The following POU2F1 variants were observed in gnomAD, a reference collection of about 807,000 sequenced individuals.
The protein encoded by POU2F1 is POU class 2 homeobox 1.
Under a neutral mutation model 84.9 loss-of-function variants are expected in POU2F1, and 16 were observed. The observed-to-expected ratio is 0.19, with a 90% CI of 0.13 to 0.29. The LOEUF (loss-of-function observed/expected upper bound fraction) is 0.29. Ranked by LOEUF, POU2F1 falls within the 10% of genes least tolerant of loss-of-function variation. The pLI, the probability that POU2F1 is intolerant of heterozygous loss-of-function variation, is 1.00. For synonymous variants in POU2F1, 368 were observed against 368.3 expected (o/e 1.00, Z 0.01); for missense variants, 738 against 942.6 (o/e 0.78, Z 2.84).
At chr1:167,318,409 A>T (rs1396043974) in intron 1 of POU2F1, among the ~76,000 whole-genome samples, 3 of 152,208 alleles carry the variant, frequency 2.0e-5, no homozygotes, top group African/African-American at 7.2e-5. Context: ...GTTCAAGCTA[A>T]ACATCCCCTT....
intron 1 of POU2F1, among the ~76,000 whole-genome samples, chr1:167,290,396 CAAAA>C (rs34458907): frequency 1.3e-5 from 2 of 151,470 alleles, no homozygotes; most frequent in Non-Finnish European, 2.9e-5. Context: ...GGCCCTGTCT[CAAAA>C]AAAAGTGTAG....
chr1:167,412,280 T>C lies in POU2F1; in HGVS notation c.1877T>C (p.Met626Thr). 1 of 1,562,270 alleles carries C rather than the reference T, an allele frequency of 6.4e-7. No individual in the cohort carries two copies. The highest frequency in any genetic ancestry group is 1.2e-5 in the South Asian group (1 of 85,620). Residue 626 changes from methionine (M) to threonine (T), a missense_variant, in exon 14 of 16, where the codon ATG becomes ACG. Around this residue, in one of 4 missense-constraint regions of POU2F1, gnomAD observed 319 missense variants for 386.0 expected, o/e 0.83. Coordinates refer to ENST00000367866, the MANE Select transcript of POU2F1 (RefSeq NM_002697.4). Reference protein sequence around the residue: ...AAAAGLNPSLMAPSQFAAGGA... With the variant: ...AAAAGLNPSLTAPSQFAAGGA... The stretch of plus-strand genomic sequence containing the variant: ...GCTGCAGGACTAAACCCAAGCCTGA[T>C]GGCACCCTCACAGTTTGCGGCTGGG...
intron 12 of POU2F1, among the ~76,000 whole-genome samples, 194 bp from the exon 13 acceptor site, chr1:167,401,257 A>G (rs556787945): frequency 6.6e-6 from 1 of 152,240 alleles, no homozygotes; most frequent in South Asian, 2.1e-4. Context: ...AAATTTACGA[A>G]CTTTTTATTA....
rs776689497 is a variant in POU2F1, at chr1:167,416,095, A to T, written c.*285A>T. 2 of 549,616 alleles carry T rather than the reference A, an allele frequency of 3.6e-6. No individual in the cohort carries two copies. The allele number at this position is 549,616 out of a possible 1,614,324, so 34.0% of individuals were successfully genotyped here. ...ACTTTCTAACCAAAAATTAAAAAAA[A>T]AAAAAAAAAAAGAAACAAAAAAATC... On this transcript the variant is annotated 3_prime_UTR_variant, in exon 16 of 16. Transcript: ENST00000367866.
intron 1 of POU2F1, among the ~76,000 whole-genome samples, chr1:167,261,639 G>C (rs1180218684): frequency 3.3e-5 from 5 of 152,134 alleles, no homozygotes; most frequent in African/African-American, 1.2e-4. Flanking sequence ...CTTGTTATCT[G>C]TACCAGCTCT....
At chr1:167,277,111 ACT>A (rs1323562106) in intron 1 of POU2F1, among the ~76,000 whole-genome samples, 4 of 151,816 alleles carry the variant, frequency 2.6e-5, no homozygotes, top group South Asian at 4.2e-4. Context: ...GGTGTTTGAC[ACT>A]CTCAACCACC....
chr1:167,299,695 G>GTT (rs571000920), intron 1 of POU2F1, among the ~76,000 whole-genome samples: 64 of 139,380 alleles, frequency 4.6e-4, no homozygotes, highest in Admixed American at 1.4e-3. Context: ...GGAGACCAGA[G>GTT]TTTTTTTTTT....
chr1:167,253,387 C>A (rs1000462779), intron 1 of POU2F1, among the ~76,000 whole-genome samples: 5 of 124,280 alleles, frequency 4.0e-5, no homozygotes, highest in African/African-American at 9.1e-5. Context: ...CCCCCCCCCC[C>A]CCAAACACAC....
intron 1 of POU2F1, among the ~76,000 whole-genome samples, chr1:167,244,760 T>G (rs538212656): frequency 4.2e-4 from 64 of 152,108 alleles, no homozygotes; most frequent in Non-Finnish European, 8.5e-4. Context: ...CACCCAAAAA[T>G]TAGAGAACTG....
chr1:167,293,125 C>G (rs1454917132), intron 1 of POU2F1, among the ~76,000 whole-genome samples: 1 of 152,172 alleles, frequency 6.6e-6, no homozygotes, highest in African/African-American at 2.4e-5. Context: ...TTTACCCCTT[C>G]TATTTAACAT....
chr1:167,279,371 T>TC (rs969733337), intron 1 of POU2F1, among the ~76,000 whole-genome samples: 21 of 152,136 alleles, frequency 1.4e-4, no homozygotes, highest in Non-Finnish European at 2.8e-4. Context: ...TGATGTTGTG[T>TC]CCCCCCATGA....
At chr1:167,288,601 T>A (rs1457801767) in intron 1 of POU2F1, among the ~76,000 whole-genome samples, 2 of 151,958 alleles carry the variant, frequency 1.3e-5, no homozygotes, top group African/African-American at 4.8e-5. Context: ...GAGGCAGGAG[T>A]GTTTGTGCCC....
At chr1:167,312,319 C>G (rs1315632522) in intron 1 of POU2F1, among the ~76,000 whole-genome samples, 2 of 151,640 alleles carry the variant, frequency 1.3e-5, no homozygotes, top group African/African-American at 4.9e-5. Context: ...ACCGCAACCT[C>G]CACCTCCCGG....
chr1:167,224,794 G>A (rs954858944), intron 1 of POU2F1, among the ~76,000 whole-genome samples: 87 of 146,002 alleles, frequency 6.0e-4, no homozygotes, highest in African/African-American at 2.0e-3. Context: ...AGTTTCCTGC[G>A]TATTTCTAGG....
At chr1:167,242,812 T>C (rs1029791675) in intron 1 of POU2F1, among the ~76,000 whole-genome samples, 3 of 152,210 alleles carry the variant, frequency 2.0e-5, no homozygotes, top group African/African-American at 4.8e-5. Context: ...GATGTGTTTA[T>C]AATGTCTCCT....
At chr1:167,276,871 C>A (rs902214409) in intron 1 of POU2F1, among the ~76,000 whole-genome samples, 1 of 151,886 alleles carries the variant, frequency 6.6e-6, no homozygotes, top group Non-Finnish European at 1.5e-5. Context: ...AGAAAGGAAG[C>A]CATATTGAAG....
intron 1 of POU2F1, among the ~76,000 whole-genome samples, chr1:167,291,705 T>C (rs1178798610): frequency 1.3e-5 from 2 of 152,180 alleles, no homozygotes; most frequent in African/African-American, 4.8e-5. Context: ...GCTAGGTGCT[T>C]TCCTCACATT....
chr1:167,343,731 C>T (rs1209055198), intron 2 of POU2F1, among the ~76,000 whole-genome samples: 1 of 125,886 alleles, frequency 7.9e-6, no homozygotes, highest in Non-Finnish European at 1.6e-5. Context: ...TTGTATTTGC[C>T]TCGGGGCTGG....
chr1:167,330,310 T>C (rs376686121), intron 1 of POU2F1, among the ~76,000 whole-genome samples: 1 of 152,138 alleles, frequency 6.6e-6, no homozygotes, highest in South Asian at 2.1e-4. Context: ...AAAATGATAC[T>C]TCTGAAAACG....
Sources: gnomAD v4.1 joint callset for allele counts (sites outside exome capture counted in the v4.1 genomes callset) on GRCh38, gnomAD v4.1.1 for gene constraint, gnomAD v4.1.1 regional missense constraint, MANE v1.5 for transcripts, NCBI Gene and HGNC (gene_info 2026-07-23, HGNC 2026-07-21) for gene names.